Variants in ADGRD1 observed in about 807,000 individuals in gnomAD.
ADGRD1 encodes the protein G-protein coupled receptor 133.
A neutral mutation model predicts 113.4 loss-of-function variants in ADGRD1; 77 were observed. The observed-to-expected ratio is 0.68, with a 90% confidence interval of 0.57 to 0.82. The LOEUF is 0.82. Ranked by LOEUF, ADGRD1 falls within the 40% of genes least tolerant of loss-of-function variation. ADGRD1 has a pLI of 0.00. For synonymous variants in ADGRD1, 474 were observed against 475.0 expected (o/e 1.00, Z 0.03); for missense variants, 1,036 against 1,139.1 (o/e 0.91, Z 1.30).
At chr12:131,128,220 GGGTT>G (rs1230092528) in intron 20 of ADGRD1, among the ~76,000 whole-genome samples, 2 of 149,440 alleles carry the variant, frequency 1.3e-5, no homozygotes, top group African/African-American at 4.9e-5. Flanking sequence ...GGTGTTGGTT[GGGTT>G]GGTTGTGATG....
At position 130,966,601 on chromosome 12, in the gene ADGRD1, G is replaced by A; in HGVS notation, c.187+55G>A. 9.3e-7 allele frequency: 1 copy of A among 1,073,536 alleles called. No individual in the cohort carries two copies. Among genetic ancestry groups the A allele is most frequent in the South Asian group, 1.2e-5 (1 of 80,138 alleles). The allele number at this position is 1,073,536 out of a possible 1,614,324, so 66.5% of individuals were successfully genotyped here. ...GGGCGCGGGAATCCCAGGGCCATCA[G>A]GAGGCGTGGGTGCTGAGAGTGGCTG... On this transcript the variant is annotated intron_variant, in intron 3 of 24. Coordinates refer to ENST00000261654, the MANE Select transcript of ADGRD1 (RefSeq NM_198827.5). This position sits in a 1 kb window ranked among gnomAD's most constrained non-coding sequence, Gnocchi z 4.6.
chr12:131,126,490 A>G (rs1292981889), intron 20 of ADGRD1, among the ~76,000 whole-genome samples: 3 of 152,134 alleles, frequency 2.0e-5, no homozygotes, highest in Middle Eastern at 3.2e-3. Context: ...TAAACTAGCT[A>G]TTTGTATGTG....
chr12:131,132,422 C>T (rs929658279), intron 21 of ADGRD1, among the ~76,000 whole-genome samples: 1 of 152,194 alleles, frequency 6.6e-6, no homozygotes, highest in Non-Finnish European at 1.5e-5. Context: ...GACAGAAATC[C>T]CAGCATGCAC....
At chr12:131,135,536 G>A (rs903014100) in intron 21 of ADGRD1, among the ~76,000 whole-genome samples, 5 of 152,124 alleles carry the variant, frequency 3.3e-5, no homozygotes, top group South Asian at 2.1e-4. Flanking sequence ...GGTGATCAGC[G>A]GGGGACACGC....
At chr12:131,054,117 AC>A (rs1167870235) in intron 13 of ADGRD1, among the ~76,000 whole-genome samples, 2 of 152,224 alleles carry the variant, frequency 1.3e-5, no homozygotes, top group Admixed American at 1.3e-4. Flanking sequence ...AATAAAAAAA[AC>A]AAAAACACAC....
At chr12:131,133,962 T>C (rs1175106897) in intron 21 of ADGRD1, among the ~76,000 whole-genome samples, 1 of 152,166 alleles carries the variant, frequency 6.6e-6, no homozygotes, top group East Asian at 1.9e-4. Flanking sequence ...CAGGGTTGGC[T>C]TTCACTTCCC....
intron 20 of ADGRD1, among the ~76,000 whole-genome samples, chr12:131,123,807 C>T (rs995488378): frequency 2.1e-5 from 3 of 144,224 alleles, no homozygotes; most frequent in African/African-American, 7.7e-5. Context: ...GCCTGGGCAA[C>T]AGAGTGAGAC....
intron 11 of ADGRD1, among the ~76,000 whole-genome samples, chr12:131,004,602 C>T (rs1422803813): frequency 6.6e-6 from 1 of 152,186 alleles, no homozygotes; most frequent in South Asian, 2.1e-4. Context: ...TCTCAACCTG[C>T]TCGCCTGGGG....
chr12:131,008,016 T>C (rs1286991109), intron 12 of ADGRD1, among the ~76,000 whole-genome samples: 2 of 152,220 alleles, frequency 1.3e-5, no homozygotes, highest in African/African-American at 4.8e-5. Flanking sequence ...ACAGGTGCCC[T>C]CCTTATCTGT....
At chr12:131,135,711 GTTC>G (rs141186687) in intron 21 of ADGRD1, among the ~76,000 whole-genome samples, 35,180 of 152,086 alleles carry the variant, frequency 0.23, 5,051 homozygotes, top group South Asian at 0.39. Context: ...CTCCGTCCTG[GTTC>G]CTCCTCATCT....
At chr12:131,112,812 T>C (rs1950374294) in intron 18 of ADGRD1, among the ~76,000 whole-genome samples, 1 of 152,214 alleles carries the variant, frequency 6.6e-6, no homozygotes, top group Non-Finnish European at 1.5e-5. Context: ...TCAGAGCTTG[T>C]CTCTCCCAGT....
Position 131,041,967 on chromosome 12 carries a change from C to T in ADGRD1, c.1473+27627C>T, listed in dbSNP as rs1363937333. On this transcript the variant is annotated intron_variant, in intron 13 of 24. Transcript: ENST00000261654. The surrounding 1 kb of genome is among the most constrained non-coding windows in gnomAD (Gnocchi z 4.4). The stretch of plus-strand genomic sequence containing the variant: ...GAGAAGGCGCCGATGACCTAGGGTT[C>T]CTTCGCAGTCGGGTTTGTTATCCGA... Among the ~76,000 whole-genome samples, 1 of 152,156 alleles carries T rather than the reference C, an allele frequency of 6.6e-6. No homozygotes were observed. Among genetic ancestry groups the T allele is most frequent in the East Asian group, 1.9e-4 (1 of 5,176 alleles).
intron 18 of ADGRD1, among the ~76,000 whole-genome samples, chr12:131,112,766 T>C (rs1421232047): frequency 6.6e-6 from 1 of 152,220 alleles, no homozygotes; most frequent in African/African-American, 2.4e-5. Context: ...CTGCCTCTCA[T>C]GCAGGGCACT....
At chr12:130,996,383 G>C (rs1474117018) in intron 8 of ADGRD1, among the ~76,000 whole-genome samples, 2 of 116,580 alleles carry the variant, frequency 1.7e-5, no homozygotes, top group Non-Finnish European at 3.9e-5. Flanking sequence ...CCTCCTGGAC[G>C]GGGCGGCTGG....
In ADGRD1 at chr12:130,954,460, A is replaced by G; in HGVS notation, c.-6A>G. On this transcript the variant is annotated 5_prime_UTR_variant, in exon 1 of 25. Transcript: ENST00000261654. This position sits in a 1 kb window ranked among gnomAD's most constrained non-coding sequence, Gnocchi z 4.7. ...TTGGCTCCGAGCTTTGACCTCCGAGAGAGCCATGGAAAAGCTGCTGCGGCT... is the reference window on the plus strand; with the variant it reads ...TTGGCTCCGAGCTTTGACCTCCGAGGGAGCCATGGAAAAGCTGCTGCGGCT... 6.5e-7 allele frequency: 1 copy of G among 1,534,976 alleles called. No individual in the cohort carries two copies. The highest frequency in any genetic ancestry group is 2.3e-5 in the East Asian group (1 of 43,066).
intron 8 of ADGRD1, among the ~76,000 whole-genome samples, chr12:130,997,489 G>T (rs1875723635): frequency 6.6e-6 from 1 of 150,998 alleles, no homozygotes; most frequent in Non-Finnish European, 1.5e-5. Context: ...TTCTCAGACG[G>T]GGCGGCTGGG....
intron 13 of ADGRD1, among the ~76,000 whole-genome samples, chr12:131,028,378 T>C (rs1201503210): frequency 6.6e-6 from 1 of 152,224 alleles, no homozygotes; most frequent in Non-Finnish European, 1.5e-5. Flanking sequence ...GTATTGCAAA[T>C]ATCTCTTACA....
intron 24 of ADGRD1, 54 bp downstream of exon 24, chr12:131,138,283 T>C (rs1951151684): frequency 6.6e-7 from 1 of 1,506,404 alleles, no homozygotes; most frequent in Non-Finnish European, 9.2e-7. Context: ...TTCCCCAGGC[T>C]CGGTTGTCAG....
At chr12:131,066,071 G>C (rs1884697390) in intron 13 of ADGRD1, among the ~76,000 whole-genome samples, 2 of 152,154 alleles carry the variant, frequency 1.3e-5, no homozygotes, top group Non-Finnish European at 2.9e-5. Context: ...CGGGCCAGGG[G>C]CCCTTAGTCC....
Sources: gnomAD v4.1 joint callset for allele counts (sites outside exome capture counted in the v4.1 genomes callset) on GRCh38, gnomAD v4.1.1 for gene constraint, Gnocchi (gnomAD v3.1) non-coding constraint, MANE v1.5 for transcripts, NCBI Gene and HGNC (gene_info 2026-07-23, HGNC 2026-07-21) for gene names.